MYH11: variants seen among roughly 807,000 people sequenced by gnomAD.
MYH11 encodes the protein myosin heavy chain 11.
A neutral mutation model predicts 246.6 loss-of-function variants in MYH11; 80 were observed. The observed-to-expected ratio is 0.32, with a 90% confidence interval of 0.27 to 0.39. The LOEUF (loss-of-function observed/expected upper bound fraction) is 0.39, where lower values mean the gene tolerates loss of function less well. Among genes scored for constraint, MYH11 ranks in the 10% least tolerant of loss-of-function variants. The pLI, the probability that MYH11 is intolerant of heterozygous loss-of-function variation, is 1.00. For synonymous variants in MYH11, 1,071 were observed against 1,015.5 expected (o/e 1.05, Z -1.04); for missense variants, 2,158 against 2,546.8 (o/e 0.85, Z 3.29).
intron 4 of MYH11, among the ~76,000 whole-genome samples, chr16:15,788,567 G>A (rs1446554543): frequency 6.6e-6 from 1 of 152,068 alleles, no homozygotes. Flanking sequence ...AAAAAAAAGT[G>A]CCCCAAATTG....
intron 2 of MYH11, among the ~76,000 whole-genome samples, chr16:15,825,141 A>G (rs544467870): frequency 2.2e-4 from 34 of 152,320 alleles, no homozygotes; most frequent in African/African-American, 7.5e-4. Flanking sequence ...TGAAGTGTCT[A>G]GAGTAGGCAA....
At chr16:15,716,412 G>A (rs946456274) in intron 38 of MYH11, among the ~76,000 whole-genome samples, 1 of 152,164 alleles carries the variant, frequency 6.6e-6, no homozygotes, top group African/African-American at 2.4e-5. Context: ...AGAATCCAAT[G>A]GTAAGAAATG....
At chr16:15,778,978 C>T (rs2042287010) in intron 6 of MYH11, 135 bp from the exon 7 acceptor site, 1 of 848,732 alleles carries the variant, frequency 1.2e-6, no homozygotes, top group Non-Finnish European at 2.0e-6. Flanking sequence ...ACTCAGAACC[C>T]CACAGGTCAA....
chr16:15,718,276 C>G lies in MYH11; in HGVS notation c.5295+39G>C, dbSNP rs752164134. ...GTGCAGGATCCTGCTGCAGGAGAGA[C>G]AGTAGGCAGCGTGACTGTGGTGTCC... On this transcript the variant is annotated intron_variant, in intron 37 of 40. Transcript: ENST00000300036. 15 of 1,605,572 alleles carry G rather than the reference C, an allele frequency of 9.3e-6. No individual in the cohort carries two copies. The South Asian group carries it at 1.5e-4, about 16-fold the overall frequency.
chr16:15,726,613 C>T (rs2040773731), intron 28 of MYH11: 1 of 598,066 alleles, frequency 1.7e-6, no homozygotes, highest in African/African-American at 1.9e-5. Flanking sequence ...GGTGATCCAC[C>T]CACCTCTGTC....
chr16:15,717,758 T>C (rs1418520813), intron 37 of MYH11: 2 of 297,194 alleles, frequency 6.7e-6, no homozygotes, highest in Non-Finnish European at 1.3e-5. Context: ...ATTGCGCCAC[T>C]GCACTCCAGC....
chr16:15,715,865 C>T (rs764885363), intron 38 of MYH11, among the ~76,000 whole-genome samples: 1 of 152,144 alleles, frequency 6.6e-6, no homozygotes, highest in Non-Finnish European at 1.5e-5. Context: ...GTGGCTCATG[C>T]CTGTAATCCC....
intron 9 of MYH11, among the ~76,000 whole-genome samples, chr16:15,769,915 T>G (rs2042061981): frequency 6.6e-6 from 1 of 152,140 alleles, no homozygotes. Flanking sequence ...CTTGCCTCAG[T>G]GTCTCCAAAT....
intron 3 of MYH11, among the ~76,000 whole-genome samples, chr16:15,807,878 C>T (rs1231557919): frequency 6.6e-6 from 1 of 152,190 alleles, no homozygotes; most frequent in Non-Finnish European, 1.5e-5. Context: ...CCCCACAGAC[C>T]AGCTATTTCG....
intron 9 of MYH11, among the ~76,000 whole-genome samples, chr16:15,767,950 A>T (rs553834310): frequency 1.1e-3 from 162 of 150,800 alleles, no homozygotes; most frequent in East Asian, 8.9e-3. Flanking sequence ...TTTTTTTTTT[A>T]AATTTTTAGT....
At chr16:15,810,806 T>C (rs1411777015) in intron 3 of MYH11, among the ~76,000 whole-genome samples, 1 of 152,210 alleles carries the variant, frequency 6.6e-6, no homozygotes, top group Non-Finnish European at 1.5e-5. Flanking sequence ...CTTAAAATTG[T>C]TTTACCCACA....
At chr16:15,735,322 G>A (rs763902047) in intron 26 of MYH11, 44 bp downstream of exon 26, 10 of 1,602,974 alleles carry the variant, frequency 6.2e-6, no homozygotes, top group Middle Eastern at 4.1e-4. Context: ...CCATCCCATT[G>A]GTGCAGTGGG....
intron 4 of MYH11, among the ~76,000 whole-genome samples, chr16:15,792,890 A>G (rs1025398707): frequency 2.0e-5 from 3 of 152,140 alleles, no homozygotes; most frequent in Non-Finnish European, 4.4e-5. Flanking sequence ...GGCACATGCC[A>G]TCACGCTCAG....
intron 1 of MYH11, among the ~76,000 whole-genome samples, chr16:15,843,098 G>C (rs1324793045): frequency 6.6e-6 from 1 of 151,994 alleles, no homozygotes; most frequent in Non-Finnish European, 1.5e-5. Flanking sequence ...AGCTGGGCAC[G>C]GTGGTTCACA....
intron 40 of MYH11, among the ~76,000 whole-genome samples, chr16:15,704,923 C>A (rs1301692967): frequency 4.6e-5 from 7 of 152,182 alleles, no homozygotes; most frequent in African/African-American, 1.7e-4. Flanking sequence ...AAGCAGTTCT[C>A]CTACCTTGGC....
chr16:15,835,803 G>C (rs1211815483), intron 2 of MYH11, among the ~76,000 whole-genome samples: 2 of 146,796 alleles, frequency 1.4e-5, no homozygotes, highest in African/African-American at 2.5e-5. Context: ...ACCCAGGCTA[G>C]AGTGCAGTGG....
intron 40 of MYH11, among the ~76,000 whole-genome samples, chr16:15,709,541 C>T (rs1433291367): frequency 6.6e-6 from 1 of 152,168 alleles, no homozygotes; most frequent in Non-Finnish European, 1.5e-5. Flanking sequence ...TCTCGAACTC[C>T]TGACCTCAAG....
At chr16:15,776,279 T>C in intron 7 of MYH11, 103 bp from the exon 8 acceptor site, 2 of 813,808 alleles carry the variant, frequency 2.5e-6, no homozygotes, top group Non-Finnish European at 4.3e-6. Context: ...GACTTTCCAG[T>C]TCTACCCCTG....
At chr16:15,817,920 A>G (rs1346706554) in intron 3 of MYH11, among the ~76,000 whole-genome samples, 1 of 152,162 alleles carries the variant, frequency 6.6e-6, no homozygotes, top group Non-Finnish European at 1.5e-5. Flanking sequence ...CACCCCATCC[A>G]TCCTGACCCT....
Sources: allele counts gnomAD v4.1 joint callset (sites outside exome capture counted in the v4.1 genomes callset), GRCh38; gene constraint gnomAD v4.1.1; transcripts MANE v1.5; gene names NCBI Gene and HGNC (gene_info 2026-07-23, HGNC 2026-07-21).